Variants in LRRC4C observed in about 807,000 individuals in gnomAD.
LRRC4C encodes leucine-rich repeat-containing protein 4C.
A neutral mutation model predicts 33.6 loss-of-function variants in LRRC4C; 5 were observed. The observed-to-expected ratio is 0.15, with a 90% CI of 0.08 to 0.31. LRRC4C has a LOEUF of 0.31. Among genes scored for constraint, LRRC4C ranks in the 10% least tolerant of loss-of-function variants. The pLI is 1.00. For missense variants in LRRC4C, 560 were observed against 796.7 expected, an observed-to-expected ratio of 0.70 and a Z score of 3.58; for synonymous variants, 329 against 302.0, an observed-to-expected ratio of 1.09 and a Z score of -0.93.
intron 2 of LRRC4C, among the ~76,000 whole-genome samples, chr11:40,907,458 A>G (rs1956473782): frequency 6.6e-6 from 1 of 152,222 alleles, no homozygotes. Flanking sequence ...AGGCTATTGG[A>G]GTTCATAGGT....
intron 2 of LRRC4C, among the ~76,000 whole-genome samples, chr11:40,927,402 A>T (rs1472352573): frequency 6.6e-6 from 1 of 152,124 alleles, no homozygotes; most frequent in East Asian, 1.9e-4. Context: ...AGGAAAAAAA[A>T]AAGAATATTA....
intron 3 of LRRC4C, among the ~76,000 whole-genome samples, chr11:40,633,381 T>TCTC (rs1278315951): frequency 6.0e-4 from 41 of 68,244 alleles, no homozygotes; most frequent in East Asian, 5.0e-3. Flanking sequence ...TTCTCTCTCT[T>TCTC]TCTTTCTTTC....
chr11:40,129,931 T>G (rs562011842), intron 6 of LRRC4C, among the ~76,000 whole-genome samples: 6 of 149,118 alleles, frequency 4.0e-5, no homozygotes, highest in Non-Finnish European at 8.9e-5. Flanking sequence ...AAATAATTTG[T>G]TTTTTTTCCT....
chr11:40,281,083 G>C (rs1943442674), intron 4 of LRRC4C, among the ~76,000 whole-genome samples: 1 of 152,146 alleles, frequency 6.6e-6, no homozygotes, highest in Non-Finnish European at 1.5e-5. Flanking sequence ...GAAAGAGAGG[G>C]AAAGGCTGCT....
chr11:40,382,756 C>G (rs1487736686), intron 3 of LRRC4C, among the ~76,000 whole-genome samples: 2 of 135,496 alleles, frequency 1.5e-5, no homozygotes, highest in African/African-American at 5.7e-5. Context: ...TTCAGTGGCT[C>G]GATCTCCGCT....
chr11:41,117,782 A>G (rs1239203829), intron 1 of LRRC4C, among the ~76,000 whole-genome samples: 2 of 152,152 alleles, frequency 1.3e-5, no homozygotes, highest in Non-Finnish European at 2.9e-5. Flanking sequence ...CCATTTCAAA[A>G]ATGAGAAGAA....
At chr11:40,580,189 G>A (rs1958407203) in intron 3 of LRRC4C, among the ~76,000 whole-genome samples, 1 of 151,982 alleles carries the variant, frequency 6.6e-6, no homozygotes, top group African/African-American at 2.4e-5. Context: ...ATAAATAAAA[G>A]AGGTTTAATT....
At chr11:40,980,993 CTAT>C (rs1852478369) in intron 1 of LRRC4C, among the ~76,000 whole-genome samples, 1 of 152,132 alleles carries the variant, frequency 6.6e-6, no homozygotes, top group Admixed American at 6.5e-5. Context: ...AAGGAAATTA[CTAT>C]TATTATCTTC....
intron 1 of LRRC4C, among the ~76,000 whole-genome samples, chr11:41,181,846 T>C (rs1456580948): frequency 2.0e-5 from 3 of 152,230 alleles, no homozygotes; most frequent in Non-Finnish European, 4.4e-5. Flanking sequence ...GTGATTTTTA[T>C]CTAGTTCATA....
At chr11:40,593,293 C>G (rs557356034) in intron 3 of LRRC4C, among the ~76,000 whole-genome samples, 104 of 152,264 alleles carry the variant, frequency 6.8e-4, no homozygotes, top group Admixed American at 1.2e-3. Context: ...TCTATTAAAC[C>G]TTATGCTTTA....
intron 1 of LRRC4C, among the ~76,000 whole-genome samples, chr11:41,039,936 T>C (rs552247085): frequency 6.6e-6 from 1 of 151,872 alleles, no homozygotes; most frequent in Non-Finnish European, 1.5e-5. Context: ...GGTCAGGAGA[T>C]GGAGACTATC....
intron 3 of LRRC4C, among the ~76,000 whole-genome samples, chr11:40,633,361 CTTTCTTTCTT>C (rs1963653672): frequency 2.1e-5 from 1 of 47,752 alleles, no homozygotes; most frequent in South Asian, 5.5e-4. Context: ...TTCTTTCTTT[CTTTCTTTCTT>C]TCTCTCTCTT....
chr11:41,061,951 A>G (rs1450073977), intron 1 of LRRC4C, among the ~76,000 whole-genome samples: 4 of 152,338 alleles, frequency 2.6e-5, no homozygotes, highest in African/African-American at 9.6e-5. Context: ...AGGTGCATCC[A>G]CTGCTCAATT....
chr11:40,814,362 C>A (rs1951619999), intron 2 of LRRC4C, among the ~76,000 whole-genome samples: 1 of 152,102 alleles, frequency 6.6e-6, no homozygotes, highest in Non-Finnish European at 1.5e-5. Context: ...CTCCTTTTAG[C>A]CATGGCTAGA....
chr11:40,565,194 C>A (rs1011604527), intron 3 of LRRC4C, among the ~76,000 whole-genome samples: 2 of 152,168 alleles, frequency 1.3e-5, no homozygotes, highest in African/African-American at 4.8e-5. Flanking sequence ...AAGCCCCCAG[C>A]AACCGTGGAG....
At chr11:41,251,927 A>G (rs1948651765) in intron 1 of LRRC4C, among the ~76,000 whole-genome samples, 2 of 152,252 alleles carry the variant, frequency 1.3e-5, no homozygotes, top group Admixed American at 1.3e-4. Context: ...GATAATTAAA[A>G]AGAAAAATGG....
At chr11:41,451,906 T>G (rs1474534630) in intron 1 of LRRC4C, among the ~76,000 whole-genome samples, 1 of 152,048 alleles carries the variant, frequency 6.6e-6, no homozygotes, top group Non-Finnish European at 1.5e-5. Flanking sequence ...GTATCTGTAT[T>G]CAGACTGCTG....
intron 2 of LRRC4C, among the ~76,000 whole-genome samples, chr11:40,649,591 G>A (rs1323962744): frequency 1.3e-5 from 2 of 152,288 alleles, no homozygotes; most frequent in Non-Finnish European, 2.9e-5. Flanking sequence ...TAACACAGTA[G>A]TGGTCCTGAG....
chr11:41,392,462 C>A (rs553499557), intron 1 of LRRC4C, among the ~76,000 whole-genome samples: 2 of 151,478 alleles, frequency 1.3e-5, no homozygotes, highest in Admixed American at 6.6e-5. Flanking sequence ...CAAACAGTTA[C>A]GTGTAATAAG....
Sources: allele counts gnomAD v4.1 joint callset (sites outside exome capture counted in the v4.1 genomes callset), GRCh38; gene constraint gnomAD v4.1.1; transcripts MANE v1.5; gene names NCBI Gene and HGNC (gene_info 2026-07-23, HGNC 2026-07-21).